Variants in PUDP observed in about 807,000 individuals in gnomAD.
PUDP encodes pseudouridine-5'-phosphatase.
PUDP carries 8 observed loss-of-function variants against 9.4 expected under a neutral mutation model. The ratio of observed to expected loss-of-function variants is 0.85; its 90% CI spans 0.50 to 1.53. The LOEUF (loss-of-function observed/expected upper bound fraction) is 1.53, where lower values mean the gene tolerates loss of function less well. Among genes scored for constraint, PUDP ranks in the 40% most tolerant of loss-of-function variants. The pLI is 0.00. For missense variants in PUDP, 188 were observed against 189.7 expected, an observed-to-expected ratio of 0.99 and a Z score of 0.05; for synonymous variants, 99 against 80.7, an observed-to-expected ratio of 1.23 and a Z score of -1.22.
intron 1 of PUDP, among the ~76,000 whole-genome samples, chrX:7,108,308 A>G (rs1931944484): frequency 8.9e-6 from 1 of 111,973 alleles, no homozygotes; most frequent in African/African-American, 3.3e-5. Context: ...TCCTGGTCCC[A>G]GGGCTCACTG....
chrX:6,947,148 G>A (rs1243209155), intron 3 of PUDP, among the ~76,000 whole-genome samples: 2 of 109,400 alleles, frequency 1.8e-5, no homozygotes, highest in Non-Finnish European at 3.8e-5. Context: ...CTACAGGCAC[G>A]CACCACCACG....
chrX:7,096,309 A>T (rs754807845), intron 2 of PUDP, among the ~76,000 whole-genome samples: 5 of 111,825 alleles, frequency 4.5e-5, no homozygotes, highest in African/African-American at 1.6e-4. Context: ...CTCATTCCAT[A>T]AAGGTGCATG....
chrX:7,056,737 T>TA (rs1930255389), intron 3 of PUDP, among the ~76,000 whole-genome samples: 1 of 111,409 alleles, frequency 9.0e-6, no homozygotes, highest in South Asian at 3.8e-4. Context: ...GTACAGGACT[T>TA]AGAGCCACAA....
intron 3 of PUDP, among the ~76,000 whole-genome samples, chrX:6,746,835 AT>A (rs1468131257): frequency 9.0e-6 from 1 of 111,547 alleles, no homozygotes; most frequent in Non-Finnish European, 1.9e-5. Flanking sequence ...ATTTGGGTTG[AT>A]TCCATGCCTT....
intron 1 of PUDP, among the ~76,000 whole-genome samples, chrX:6,987,581 A>G (rs1327372950): frequency 1.8e-5 from 2 of 112,292 alleles, no homozygotes; most frequent in African/African-American, 3.2e-5. Flanking sequence ...CCCACAGAAA[A>G]TGTTCTAAAT....
At chrX:6,707,518 G>A (rs1281630993) in intron 1 of PUDP, among the ~76,000 whole-genome samples, 2 of 111,837 alleles carry the variant, frequency 1.8e-5, no homozygotes, top group African/African-American at 6.5e-5. Flanking sequence ...ATCTGGGGGT[G>A]ATGGGAGAAA....
chrX:6,924,883 A>G (rs1452170106), intron 3 of PUDP, among the ~76,000 whole-genome samples: 1 of 112,551 alleles, frequency 8.9e-6, no homozygotes, highest in Non-Finnish European at 1.9e-5. Context: ...ATTTGGCCCA[A>G]TTATTGGGAT....
At chrX:6,723,727 T>C (rs1380149175), upstream of PUDP, among the ~76,000 whole-genome samples, 5 of 107,617 alleles carry the variant, frequency 4.6e-5, no homozygotes, top group African/African-American at 7.0e-5. Context: ...AAACGCCTGA[T>C]TGATTTGGAA....
chrX:6,789,149 G>C (rs1335195795), intron 3 of PUDP, among the ~76,000 whole-genome samples: 1 of 111,040 alleles, frequency 9.0e-6, no homozygotes, highest in Non-Finnish European at 1.9e-5. Flanking sequence ...AATTAGCAGG[G>C]TGTGGTGGCA....
intron 3 of PUDP, among the ~76,000 whole-genome samples, chrX:6,945,245 G>T (rs183376752): frequency 3.8e-4 from 42 of 111,534 alleles, no homozygotes; most frequent in African/African-American, 1.3e-3. Flanking sequence ...ACAGTGTGTT[G>T]TATGTGGAAG....
At chrX:6,980,653 T>C (rs1169911919) in intron 1 of PUDP, among the ~76,000 whole-genome samples, 1 of 109,222 alleles carries the variant, frequency 9.2e-6, no homozygotes, top group East Asian at 2.8e-4. Context: ...TTCAACCAAC[T>C]ATGGATGAAA....
At chrX:6,715,758 C>T (rs571744356) in intron 1 of PUDP, among the ~76,000 whole-genome samples, 4 of 111,632 alleles carry the variant, frequency 3.6e-5, no homozygotes, top group African/African-American at 9.8e-5. Flanking sequence ...TGATTAGGTA[C>T]GTAGCAGCCC....
At chrX:7,095,920 C>T (rs183200043) in intron 2 of PUDP, among the ~76,000 whole-genome samples, 229 of 112,150 alleles carry the variant, frequency 2.0e-3, no homozygotes, top group South Asian at 0.011. Context: ...TGAAAATCTA[C>T]AGGACTGTAA....
intron 3 of PUDP, among the ~76,000 whole-genome samples, chrX:6,726,725 G>C (rs1355421966): frequency 9.0e-6 from 1 of 111,262 alleles, no homozygotes; most frequent in Non-Finnish European, 1.9e-5. Flanking sequence ...AATGTGTAAG[G>C]ACACTGAAAA....
At chrX:6,741,854 T>TTCTC in intron 3 of PUDP, among the ~76,000 whole-genome samples, 2 of 93,501 alleles carry the variant, frequency 2.1e-5, no homozygotes, top group Non-Finnish European at 4.1e-5. Flanking sequence ...TTCTTTCTTT[T>TTCTC]TCTTTCTTTC....
chrX:7,009,351 T>TC (rs1929446190), intron 1 of PUDP, among the ~76,000 whole-genome samples: 1 of 112,143 alleles, frequency 8.9e-6, no homozygotes, highest in South Asian at 3.7e-4. Flanking sequence ...GGTAGGCAGA[T>TC]ACTTCGGAGG....
chrX:7,026,384 C>T (rs1188770723), intron 1 of PUDP, among the ~76,000 whole-genome samples: 1 of 112,288 alleles, frequency 8.9e-6, no homozygotes, highest in Non-Finnish European at 1.9e-5. Flanking sequence ...CGCCACTATC[C>T]CTGCTCCTCT....
At chrX:6,758,334 G>T (rs766296602) in intron 3 of PUDP, among the ~76,000 whole-genome samples, 1 of 110,341 alleles carries the variant, frequency 9.1e-6, no homozygotes, top group Admixed American at 9.7e-5. Flanking sequence ...ATGGTGGCAT[G>T]CACCTCTGGT....
chrX:6,924,571 A>G (rs1928073165), intron 3 of PUDP, among the ~76,000 whole-genome samples: 1 of 112,253 alleles, frequency 8.9e-6, no homozygotes, highest in Non-Finnish European at 1.9e-5. Flanking sequence ...GACACCTTAT[A>G]TGCAGAGCCT....
Sources: gnomAD v4.1 joint callset for allele counts (sites outside exome capture counted in the v4.1 genomes callset) on GRCh38, gnomAD v4.1.1 for gene constraint, MANE v1.5 for transcripts, NCBI Gene and HGNC (gene_info 2026-07-23, HGNC 2026-07-21) for gene names.